The following KHDRBS2 variants were observed in gnomAD, a reference collection of about 807,000 sequenced individuals.
KHDRBS2 encodes the protein KH RNA binding domain containing, signal transduction associated 2, also known as KH domain-containing, RNA-binding, signal transduction-associated protein 2.
A neutral mutation model predicts 44.3 loss-of-function variants in KHDRBS2; 26 were observed. The ratio of observed to expected loss-of-function variants is 0.59; its 90% CI spans 0.43 to 0.81. The LOEUF (loss-of-function observed/expected upper bound fraction) is 0.81. Ranked by LOEUF, KHDRBS2 falls within the 40% of genes least tolerant of loss-of-function variation. The probability of loss-of-function intolerance (pLI) is 0.00; values close to 1 mark genes in which losing one functional copy is unlikely to be tolerated. For missense variants in KHDRBS2, 476 were observed against 433.1 expected (o/e 1.10, Z -0.88); for synonymous variants, 194 against 151.1 (o/e 1.28, Z -2.08).
In KHDRBS2 at chr6:61,991,657, G is replaced by A. The variant is rs75603585; in HGVS notation, c.337-13445C>T. ...AGCAAACACAAGTGAGTCTCAGTTGGCAGGGAGCAATAGGCCAAATGCCTC... is the reference window on the plus strand; with the variant it reads ...AGCAAACACAAGTGAGTCTCAGTTGACAGGGAGCAATAGGCCAAATGCCTC... On this transcript the variant is annotated intron_variant, in intron 3 of 8. Transcript: ENST00000281156. Among the ~76,000 whole-genome samples the A allele has an allele frequency of 8.5e-4, 129 of 152,314 alleles. No individual in the cohort carries two copies. In the East Asian group the frequency reaches 0.023, roughly 27 times the overall value.
rs954034396 is a variant in KHDRBS2, at chr6:61,992,620, C to T, written c.337-14408G>A. Among the ~76,000 whole-genome samples the T allele has an allele frequency of 3.9e-5, 6 of 152,068 alleles. No individual in the cohort carries two copies. In the East Asian group the frequency reaches 5.8e-4, roughly 15 times the overall value. ...GTGTGTGTGTGTGTGTTTGTGCGCG[C>T]GTGCGCACGCTTATATGTGTAACCA... On this transcript the variant is annotated intron_variant, in intron 3 of 8. Transcript: ENST00000281156.
intron 6 of KHDRBS2, among the ~76,000 whole-genome samples, chr6:61,789,660 C>T (rs1562185374): frequency 6.6e-6 from 1 of 151,224 alleles, no homozygotes. Context: ...ATAGGAAAGG[C>T]CCTGGTTTGT....
chr6:61,605,215 C>A, the KHDRBS2 span, among the ~76,000 whole-genome samples: 9 of 152,122 alleles, frequency 5.9e-5, no homozygotes, highest in Non-Finnish European at 1.2e-4. Flanking sequence ...AGACACCAGA[C>A]CAACTTGGAC....
intron 2 of KHDRBS2, among the ~76,000 whole-genome samples, chr6:62,162,628 T>A (rs1365621507): frequency 6.6e-6 from 1 of 152,110 alleles, no homozygotes; most frequent in Non-Finnish European, 1.5e-5. Flanking sequence ...AATACTTCAA[T>A]AGGCTTCAGT....
chr6:61,615,214 C>G, the KHDRBS2 span, among the ~76,000 whole-genome samples: 1 of 94,204 alleles, frequency 1.1e-5, no homozygotes, highest in Non-Finnish European at 1.9e-5. Flanking sequence ...GCCTGGGTGA[C>G]AGAGCAAGAC....
intron 2 of KHDRBS2, among the ~76,000 whole-genome samples, chr6:62,170,744 T>A (rs1819822208): frequency 6.6e-6 from 1 of 151,758 alleles, no homozygotes; most frequent in African/African-American, 2.4e-5. Flanking sequence ...GATCACGTTA[T>A]CCTCCCCAGC....
chr6:61,826,526 G>T (rs1330569334), intron 6 of KHDRBS2, among the ~76,000 whole-genome samples: 1 of 151,860 alleles, frequency 6.6e-6, no homozygotes. Context: ...GCTGTTACTG[G>T]CTTCTGGCTA....
At chr6:61,933,857 G>A (rs1404856367) in intron 4 of KHDRBS2, among the ~76,000 whole-genome samples, 1 of 152,062 alleles carries the variant, frequency 6.6e-6, no homozygotes, top group African/African-American at 2.4e-5. Flanking sequence ...CTATTTTTAA[G>A]TTTTTAAGGA....
chr6:62,046,092 A>G (rs1266205791), intron 3 of KHDRBS2, among the ~76,000 whole-genome samples: 1 of 151,888 alleles, frequency 6.6e-6, no homozygotes, highest in Admixed American at 6.6e-5. Flanking sequence ...ATCATAGTCA[A>G]ACATGATGGA....
At chr6:61,955,113 T>TATATGTATACATATGTATATACACATAC (rs1554291299) in intron 4 of KHDRBS2, among the ~76,000 whole-genome samples, 1 of 140,644 alleles carries the variant, frequency 7.1e-6, no homozygotes, top group Admixed American at 7.0e-5. Flanking sequence ...TATACACATA[T>TATATGTATACATATGTATATACACATAC]GTGTATATAT....
the KHDRBS2 span, among the ~76,000 whole-genome samples, chr6:61,617,963 C>G: frequency 6.6e-6 from 1 of 152,066 alleles, no homozygotes; most frequent in Admixed American, 6.6e-5. Context: ...AAAATTTGCA[C>G]TATTTTAGAA....
At chr6:61,824,102 G>A (rs1270516912) in intron 6 of KHDRBS2, among the ~76,000 whole-genome samples, 1 of 152,084 alleles carries the variant, frequency 6.6e-6, no homozygotes, top group African/African-American at 2.4e-5. Context: ...GCACTAAGCA[G>A]TTGTGTTTAC....
At chr6:62,195,279 C>A (rs1339227360) in intron 1 of KHDRBS2, among the ~76,000 whole-genome samples, 1 of 152,142 alleles carries the variant, frequency 6.6e-6, no homozygotes. Context: ...ATCCTGCAAC[C>A]TTGCTAAACT....
chr6:61,646,618 C>A, the KHDRBS2 span, among the ~76,000 whole-genome samples: 1 of 152,146 alleles, frequency 6.6e-6, no homozygotes, highest in African/African-American at 2.4e-5. Flanking sequence ...AAGAACATAG[C>A]CTCTGTAATT....
chr6:61,589,370 A>G, the KHDRBS2 span, among the ~76,000 whole-genome samples: 1 of 152,194 alleles, frequency 6.6e-6, no homozygotes, highest in Admixed American at 6.5e-5. Flanking sequence ...CACTAAGGAC[A>G]CCTTTTGGGA....
intron 8 of KHDRBS2, among the ~76,000 whole-genome samples, chr6:61,692,866 A>G (rs1767519052): frequency 6.6e-6 from 1 of 151,914 alleles, no homozygotes; most frequent in Non-Finnish European, 1.5e-5. Flanking sequence ...TGCCTGGGAC[A>G]ACTGACTCTG....
chr6:61,757,461 T>A (rs1778658962), intron 6 of KHDRBS2, among the ~76,000 whole-genome samples: 1 of 152,214 alleles, frequency 6.6e-6, no homozygotes, highest in African/African-American at 2.4e-5. Context: ...TAACTTATTA[T>A]ATCTTTAAGT....
Position 61,732,676 on chromosome 6 carries a change from C to T in KHDRBS2, c.893+6G>A. On this transcript the variant is annotated splice_donor_region_variant and intron_variant, in intron 7 of 8. Transcript: ENST00000281156. ...AGAAGGCTGCTTTAGATAGCAAATGCCTTACCTTTGTGTTTGGGTCGCATA... is the reference window on the plus strand; with the variant it reads ...AGAAGGCTGCTTTAGATAGCAAATGTCTTACCTTTGTGTTTGGGTCGCATA... 6.3e-7 allele frequency: 1 copy of T among 1,575,476 alleles called. No homozygotes were observed. The highest frequency in any genetic ancestry group is 8.7e-7 in the Non-Finnish European group (1 of 1,145,648).
Position 61,873,530 on chromosome 6 carries a change from TAGA to T in KHDRBS2, c.810+21102_810+21104del, listed in dbSNP as rs1261801151. On this transcript the variant is annotated intron_variant, in intron 6 of 8. Coordinates refer to ENST00000281156, the MANE Select transcript of KHDRBS2 (RefSeq NM_152688.4). ...TACTAGGTAATTTAGTATATCTGCC[TAGA>T]AGAACAATTTATCTCAAACAGTTGA... is the stretch of plus-strand genomic sequence containing the variant. Among the ~76,000 whole-genome samples the T allele has an allele frequency of 2.6e-5, 4 of 151,904 alleles. No homozygotes were observed. In the East Asian group the frequency reaches 7.7e-4, roughly 29 times the overall value.
Sources: gnomAD v4.1 joint callset for allele counts (sites outside exome capture counted in the v4.1 genomes callset) on GRCh38, gnomAD v4.1.1 for gene constraint, MANE v1.5 for transcripts, NCBI Gene and HGNC (gene_info 2026-07-23, HGNC 2026-07-21) for gene names.